The following ZRANB3 variants were observed in gnomAD, a reference collection of about 807,000 sequenced individuals.
ZRANB3 encodes the protein DNA annealing helicase and endonuclease ZRANB3.
In ZRANB3, 125 loss-of-function variants were observed where a neutral mutation model predicts 133.8. The observed-to-expected ratio is 0.93, with a 90% CI of 0.81 to 1.08. The LOEUF is 1.08. ZRANB3 is among the 50% of genes least tolerant of loss of function. The pLI is 0.00. For missense variants in ZRANB3, 1,229 were observed against 1,275.5 expected, an observed-to-expected ratio of 0.96 and a Z score of 0.56; for synonymous variants, 387 against 432.7, an observed-to-expected ratio of 0.89 and a Z score of 1.31.
rs1000247698 is a variant in ZRANB3 at position 135,476,197 on chromosome 2, C to T, written c.161+28132G>A. ...ATGGATCTTCATATGAATAAACAAA[C>T]GGCATGAAAACACTTTTGAAATAAG... On this transcript the variant is annotated intron_variant, in intron 2 of 20. Coordinates refer to ENST00000264159, the MANE Select transcript of ZRANB3 (RefSeq NM_032143.4). Among the ~76,000 whole-genome samples the T allele has an allele frequency of 9.2e-5, 14 of 152,182 alleles. No individual in the cohort carries two copies. In the Middle Eastern group the frequency reaches 0.01, roughly 112 times the overall value.
chr2:135,344,175 T>A (rs1205033714), intron 6 of ZRANB3, among the ~76,000 whole-genome samples: 1 of 152,132 alleles, frequency 6.6e-6, no homozygotes, highest in Admixed American at 6.6e-5. Context: ...CATAATAATT[T>A]GCCATTTTTT....
chr2:135,298,236 C>T (rs1682249033), intron 8 of ZRANB3, among the ~76,000 whole-genome samples: 2 of 152,070 alleles, frequency 1.3e-5, no homozygotes, highest in Non-Finnish European at 1.5e-5. Flanking sequence ...TCAAAAACAA[C>T]AAAATATTAT....
intron 2 of ZRANB3, among the ~76,000 whole-genome samples, chr2:135,502,644 C>T (rs1242020942): frequency 6.6e-6 from 1 of 152,158 alleles, no homozygotes. Flanking sequence ...TAGTGAGAAG[C>T]CCAACCACAC....
At chr2:135,251,575 C>T (rs2105095434) in intron 12 of ZRANB3, among the ~76,000 whole-genome samples, 1 of 152,290 alleles carries the variant, frequency 6.6e-6, no homozygotes, top group South Asian at 2.1e-4. Context: ...CTTTCCTGCG[C>T]TATTCTTGTG....
intron 2 of ZRANB3, among the ~76,000 whole-genome samples, chr2:135,392,130 T>C (rs1048846351): frequency 3.3e-5 from 5 of 151,616 alleles, no homozygotes; most frequent in Non-Finnish European, 5.9e-5. Flanking sequence ...CCAGACAACC[T>C]AAAAAAATAG....
intron 2 of ZRANB3, among the ~76,000 whole-genome samples, chr2:135,418,801 T>C (rs1688700872): frequency 6.6e-6 from 1 of 151,970 alleles, no homozygotes; most frequent in Non-Finnish European, 1.5e-5. Context: ...GGAGCTTTTC[T>C]AGGAAGCAGT....
intron 1 of ZRANB3, among the ~76,000 whole-genome samples, chr2:135,524,120 CTT>C (rs1042564935): frequency 8.6e-5 from 13 of 151,748 alleles, no homozygotes; most frequent in African/African-American, 3.1e-4. Flanking sequence ...GAGTTTCGCT[CTT>C]GTTGCCCAGG....
chr2:135,511,951 G>T (rs529532636), intron 1 of ZRANB3: 1 of 742,910 alleles, frequency 1.3e-6, no homozygotes, highest in East Asian at 2.5e-5. Context: ...CATTGCTTTG[G>T]TCAATTCAAA....
At chr2:135,402,918 T>A (rs1687806605) in intron 2 of ZRANB3, among the ~76,000 whole-genome samples, 1 of 152,132 alleles carries the variant, frequency 6.6e-6, no homozygotes, top group Non-Finnish European at 1.5e-5. Flanking sequence ...CCTTATTGCA[T>A]AATACACATG....
rs1693563062 is a variant in ZRANB3 at position 135,200,252 on chromosome 2, C to T, written c.*90G>A. 9.4e-7 allele frequency: 1 copy of T among 1,061,126 alleles called. No individual in the cohort carries two copies. Among genetic ancestry groups the T allele is most frequent in the South Asian group, 1.5e-5 (1 of 68,028 alleles). The allele number at this position is 1,061,126 out of a possible 1,614,324, so 65.7% of individuals were successfully genotyped here. On this transcript the variant is annotated 3_prime_UTR_variant, in exon 21 of 21. Transcript: ENST00000264159. ...TTGATTTTTGTTCTGAAAATTTTTA[C>T]TCTCGATATATTAAACAAACATGGA...
intron 2 of ZRANB3, among the ~76,000 whole-genome samples, chr2:135,423,170 T>C (rs1026448224): frequency 2.0e-5 from 3 of 152,178 alleles, no homozygotes; most frequent in Non-Finnish European, 4.4e-5. Context: ...CACTGGATCA[T>C]GCCTGTAATC....
intron 12 of ZRANB3, among the ~76,000 whole-genome samples, chr2:135,247,917 C>A (rs747022328): frequency 3.3e-5 from 5 of 152,158 alleles, no homozygotes; most frequent in African/African-American, 1.2e-4. Context: ...TGTGGCCAGA[C>A]TGCTTTTTTT....
intron 2 of ZRANB3, among the ~76,000 whole-genome samples, chr2:135,440,955 AAATG>A (rs1221514939): frequency 6.6e-6 from 1 of 152,218 alleles, no homozygotes; most frequent in Non-Finnish European, 1.5e-5. Context: ...GGTTTAAGAA[AAATG>A]AATGAAGCCT....
At chr2:135,445,464 GA>G (rs1689977208) in intron 2 of ZRANB3, among the ~76,000 whole-genome samples, 1 of 151,944 alleles carries the variant, frequency 6.6e-6, no homozygotes, top group Non-Finnish European at 1.5e-5. Context: ...AAATAAAGGG[GA>G]AAATAGTGTG....
chr2:135,304,165 C>T (rs1348281536), intron 8 of ZRANB3, among the ~76,000 whole-genome samples: 1 of 152,142 alleles, frequency 6.6e-6, no homozygotes, highest in African/African-American at 2.4e-5. Context: ...GAAAGGCTCT[C>T]TTGTCTTGTT....
intron 14 of ZRANB3, among the ~76,000 whole-genome samples, 199 bp from the exon 15 acceptor site, chr2:135,224,716 A>G (rs890792724): frequency 2.6e-5 from 4 of 152,182 alleles, no homozygotes; most frequent in African/African-American, 9.6e-5. Flanking sequence ...ATGGTAACCA[A>G]TTGTTTTACA....
At chr2:135,412,032 C>CTTA (rs1195921283) in intron 2 of ZRANB3, among the ~76,000 whole-genome samples, 1 of 152,128 alleles carries the variant, frequency 6.6e-6, no homozygotes, top group East Asian at 1.9e-4. Flanking sequence ...AAACTAAGGG[C>CTTA]TTAGCACTGT....
At chr2:135,439,282 T>G (rs1385847813) in intron 2 of ZRANB3, among the ~76,000 whole-genome samples, 1 of 152,164 alleles carries the variant, frequency 6.6e-6, no homozygotes, top group Non-Finnish European at 1.5e-5. Context: ...GATTTTAACA[T>G]CCAGATAATA....
At chr2:135,511,816 C>G in intron 1 of ZRANB3, 3 of 761,024 alleles carry the variant, frequency 3.9e-6, no homozygotes, top group Non-Finnish European at 7.4e-6. Flanking sequence ...ATCCAATCCC[C>G]CATGGACATA....
Sources: allele counts gnomAD v4.1 joint callset (sites outside exome capture counted in the v4.1 genomes callset), GRCh38; gene constraint gnomAD v4.1.1; transcripts MANE v1.5; gene names NCBI Gene and HGNC (gene_info 2026-07-23, HGNC 2026-07-21).